Variants in PAM observed in about 807,000 individuals in gnomAD.
PAM encodes the protein peptidylglycine alpha-amidating monooxygenase, also known as peptidyl-glycine alpha-amidating monooxygenase.
A neutral mutation model predicts 122.1 loss-of-function variants in PAM; 72 were observed. That is an observed-to-expected ratio of 0.59 (90% confidence interval 0.49 to 0.72). The LOEUF is 0.72. PAM is among the 30% of genes least tolerant of loss of function. PAM has a pLI of 0.00. For missense variants in PAM, 1,106 were observed against 1,183.7 expected (o/e 0.93, Z 0.96); for synonymous variants, 389 against 404.4 (o/e 0.96, Z 0.46).
At chr5:102,784,621 A>T (rs1010848163) in intron 1 of PAM, among the ~76,000 whole-genome samples, 1 of 152,220 alleles carries the variant, frequency 6.6e-6, no homozygotes, top group Non-Finnish European at 1.5e-5. Context: ...CTTCCATATT[A>T]AGGGTGAGTC....
At position 102,758,071 on chromosome 5, in the gene PAM, TTG is replaced by T. The variant is rs1213344672; in HGVS notation, c.-374+2725_-374+2726del. On this transcript the variant is annotated intron_variant, in intron 1 of 25. Transcript: ENST00000438793. ...AAAAAAAAAAAAAAGACTTAGAATT[TTG>T]TTTTTTTTTTTTTTTTTTTTTTTTT... Among the ~76,000 whole-genome samples the T allele has an allele frequency of 3.9e-3, 135 of 34,612 alleles. 5 individuals are homozygous for T. The highest frequency in any genetic ancestry group is 0.029 in the East Asian group (27 of 920). 22.7% of individuals were successfully genotyped at this position (34,612 alleles called of 152,430 possible).
At chr5:103,012,419 C>T (rs1413085366) in intron 21 of PAM, among the ~76,000 whole-genome samples, 1 of 152,150 alleles carries the variant, frequency 6.6e-6, no homozygotes, top group Non-Finnish European at 1.5e-5. Context: ...AGCCTTTAAT[C>T]CATTTTGACT....
chr5:103,027,927 A>G (rs961152045), intron 24 of PAM, among the ~76,000 whole-genome samples: 3 of 152,190 alleles, frequency 2.0e-5, no homozygotes, highest in Non-Finnish European at 4.4e-5. Flanking sequence ...TTGTCAGAGG[A>G]GAAAACTGAA....
At chr5:102,779,238 G>A (rs1375047786) in intron 1 of PAM, among the ~76,000 whole-genome samples, 1 of 149,164 alleles carries the variant, frequency 6.7e-6, no homozygotes, top group African/African-American at 2.5e-5. Context: ...ATATATATGT[G>A]TATATATATA....
chr5:102,763,422 A>C (rs539205528), intron 1 of PAM, among the ~76,000 whole-genome samples: 1 of 152,296 alleles, frequency 6.6e-6, no homozygotes, highest in African/African-American at 2.4e-5. Context: ...TGAGCAAAAA[A>C]TTCCTGGTCT....
intron 15 of PAM, among the ~76,000 whole-genome samples, chr5:102,984,902 A>G (rs934237628): frequency 2.6e-5 from 4 of 152,174 alleles, no homozygotes; most frequent in African/African-American, 9.6e-5. Flanking sequence ...CACAAAGGAA[A>G]AAACTAGAAT....
At chr5:102,875,734 T>C (rs999199052) in intron 3 of PAM, among the ~76,000 whole-genome samples, 1 of 152,210 alleles carries the variant, frequency 6.6e-6, no homozygotes, top group South Asian at 2.1e-4. Flanking sequence ...AGGTTCTGTT[T>C]TGACTGTTGT....
chr5:102,845,530 A>G (rs1055902259), intron 1 of PAM, among the ~76,000 whole-genome samples: 3 of 152,192 alleles, frequency 2.0e-5, no homozygotes, highest in African/African-American at 7.2e-5. Flanking sequence ...TATTTTTTCT[A>G]CAGCCTAGAC....
chr5:103,010,261 CAACA>C (rs2151119449), intron 21 of PAM, among the ~76,000 whole-genome samples: 1 of 152,278 alleles, frequency 6.6e-6, no homozygotes, highest in Non-Finnish European at 1.5e-5. Flanking sequence ...CTCTTAGACC[CAACA>C]GACATCTTGT....
chr5:102,943,142 C>T (rs1755849168), intron 7 of PAM, among the ~76,000 whole-genome samples: 2 of 152,022 alleles, frequency 1.3e-5, no homozygotes, highest in South Asian at 2.1e-4. Context: ...TCAGGATCAG[C>T]GGTTAATCTG....
intron 23 of PAM, 24 bp from the exon 24 acceptor site, chr5:103,025,107 T>C (rs369311130): frequency 1.0e-5 from 16 of 1,561,636 alleles, no homozygotes; most frequent in Non-Finnish European, 1.3e-5. Context: ...CAGTTGAATA[T>C]TGTGAACTCT....
At chr5:102,951,142 T>C (rs997686132) in intron 12 of PAM, among the ~76,000 whole-genome samples, 2 of 152,218 alleles carry the variant, frequency 1.3e-5, no homozygotes, top group South Asian at 4.1e-4. Flanking sequence ...AAAATTTTTT[T>C]TCTCAAGTGC....
At chr5:102,764,342 C>A (rs1026675324) in intron 1 of PAM, among the ~76,000 whole-genome samples, 1 of 151,400 alleles carries the variant, frequency 6.6e-6, no homozygotes, top group Non-Finnish European at 1.5e-5. Flanking sequence ...AAAAATTAGG[C>A]AAATAAGGGA....
chr5:103,029,260 G>A lies in PAM; in HGVS notation c.*195G>A. 2.4e-6 allele frequency: 1 copy of A among 424,266 alleles called. No individual in the cohort carries two copies. Among genetic ancestry groups the A allele is most frequent in the Non-Finnish European group, 4.1e-6 (1 of 241,908 alleles). 26.3% of individuals were successfully genotyped at this position (424,266 alleles called of 1,614,324 possible). A position where few individuals can be genotyped will look rare whatever the true frequency, so the allele number is the denominator to read the frequency against. ...AGGAGTTTCCTAAAAGTTCATAACA[G>A]TGCCATTGTCTTTATATGAACATAG... On this transcript the variant is annotated 3_prime_UTR_variant, in exon 26 of 26. Transcript: ENST00000438793.
chr5:102,866,298 G>T lies in PAM; in HGVS notation c.89+14G>T. ...TGTCTTTAAGAGGTGGGTGTTCGTTGTTCGGGTGCTTTCTGTGCATGCTGT... is the reference window on the plus strand; with the variant it reads ...TGTCTTTAAGAGGTGGGTGTTCGTTTTTCGGGTGCTTTCTGTGCATGCTGT... On this transcript the variant is annotated intron_variant, in intron 2 of 25. Transcript: ENST00000438793. 4.5e-6 allele frequency: 7 copies of T among 1,546,344 alleles called. No homozygotes were observed. Among genetic ancestry groups the T allele is most frequent in the Non-Finnish European group, 6.3e-6 (7 of 1,118,394 alleles).
chr5:102,926,646 T>C lies in PAM; in HGVS notation c.504T>C (p.Tyr168=). The change falls in exon 7 of 26, where the codon TAT becomes TAC. Residue 168 remains tyrosine, a synonymous_variant. Transcript: ENST00000438793. ...GSKYFVLQVH[Y]GDISAFRDNN... is the part of the protein sequence containing the mutation. ...AATACTTTGTACTACAGGTACACTATGGGGATATTAGTGCTTTTAGAGGTA... is the reference window on the plus strand; with the variant it reads ...AATACTTTGTACTACAGGTACACTACGGGGATATTAGTGCTTTTAGAGGTA... 6.3e-7 allele frequency: 1 copy of C among 1,587,298 alleles called. No homozygotes were observed. The highest frequency in any genetic ancestry group is 8.7e-7 in the Non-Finnish European group (1 of 1,155,754).
chr5:102,882,033 G>A (rs911893613), intron 3 of PAM, among the ~76,000 whole-genome samples: 3 of 122,926 alleles, frequency 2.4e-5, no homozygotes, highest in Non-Finnish European at 5.0e-5. Flanking sequence ...TTTTGTGGCT[G>A]AGTAGTATTC....
At chr5:102,980,030 T>C (rs1769234733) in intron 15 of PAM, among the ~76,000 whole-genome samples, 1 of 152,110 alleles carries the variant, frequency 6.6e-6, no homozygotes, top group South Asian at 2.1e-4. Context: ...TCAAAGCTAC[T>C]AGGATCAATA....
chr5:102,939,885 T>C (rs1409691135), intron 7 of PAM, among the ~76,000 whole-genome samples: 1 of 152,052 alleles, frequency 6.6e-6, no homozygotes, highest in Non-Finnish European at 1.5e-5. Flanking sequence ...GATACTGATT[T>C]TAGGTTGACC....
Sources: gnomAD v4.1 joint callset for allele counts (sites outside exome capture counted in the v4.1 genomes callset) on GRCh38, gnomAD v4.1.1 for gene constraint, MANE v1.5 for transcripts, NCBI Gene and HGNC (gene_info 2026-07-23, HGNC 2026-07-21) for gene names.